PLEKHA1: variants seen among roughly 807,000 people sequenced by gnomAD.
PLEKHA1 encodes the protein pleckstrin homology domain containing A1.
Under a neutral mutation model 52.0 loss-of-function variants are expected in PLEKHA1, and 34 were observed. That is an observed-to-expected ratio of 0.65 (90% confidence interval 0.50 to 0.87). PLEKHA1 has a LOEUF of 0.87. PLEKHA1 is among the 40% of genes least tolerant of loss of function. PLEKHA1 has a pLI of 0.00. For synonymous variants in PLEKHA1, 163 were observed against 170.7 expected, an observed-to-expected ratio of 0.95 and a Z score of 0.35; for missense variants, 497 against 504.2, an observed-to-expected ratio of 0.99 and a Z score of 0.14.
At chr10:122,388,915 A>G (rs932349809) in intron 1 of PLEKHA1, among the ~76,000 whole-genome samples, 4 of 142,310 alleles carry the variant, frequency 2.8e-5, no homozygotes, top group Admixed American at 1.4e-4. Context: ...ATTTAGTCAC[A>G]TTTTCAGGCC....
chr10:122,406,815 AAT>A, intron 5 of PLEKHA1, 142 bp downstream of exon 5: 1 of 655,656 alleles, frequency 1.5e-6, no homozygotes, highest in South Asian at 1.9e-5. Flanking sequence ...TCAGAATGTG[AAT>A]ATGTTTTCTT....
chr10:122,379,007 T>C (rs1308098705), intron 1 of PLEKHA1, among the ~76,000 whole-genome samples: 1 of 152,176 alleles, frequency 6.6e-6, no homozygotes, highest in Non-Finnish European at 1.5e-5. Context: ...TATCTGGTGC[T>C]ATTAGAGTCC....
chr10:122,427,739 T>C (rs887775480), intron 11 of PLEKHA1, among the ~76,000 whole-genome samples: 4 of 150,758 alleles, frequency 2.7e-5, no homozygotes, highest in South Asian at 2.1e-4. Flanking sequence ...TGGAATACTT[T>C]GGCCACTGAT....
chr10:122,399,924 C>T (rs917254067), intron 3 of PLEKHA1, among the ~76,000 whole-genome samples: 2 of 152,160 alleles, frequency 1.3e-5, no homozygotes, highest in Non-Finnish European at 2.9e-5. Context: ...CCTCTTTACC[C>T]AGCCCCATTT....
At chr10:122,410,775 T>G (rs2097096265) in intron 5 of PLEKHA1, among the ~76,000 whole-genome samples, 1 of 152,164 alleles carries the variant, frequency 6.6e-6, no homozygotes, top group South Asian at 2.1e-4. Context: ...TTAGAATGAT[T>G]TTAAAGGTTT....
chr10:122,438,948 G>A, the PLEKHA1 span: 2 of 152,154 alleles, frequency 1.3e-5, no homozygotes, highest in Admixed American at 6.5e-5. Context: ...ATTCAAAGCC[G>A]TCCTGGGCCA....
rs200276579 is a variant in PLEKHA1, at chr10:122,424,181, T to TG, written c.682-18_682-17insG. On this transcript the variant is annotated splice_polypyrimidine_tract_variant and intron_variant, in intron 8 of 11. Transcript: ENST00000368990. ...AAACATCATGTAACTGTTTTTTTTTTTTTTTTTTTTTTGCCAGGAAAAGGA... is the reference window on the plus strand; with the variant it reads ...AAACATCATGTAACTGTTTTTTTTTTGTTTTTTTTTTTTGCCAGGAAAAGGA... 0.011 allele frequency: 16,740 copies of TG among 1,465,138 alleles called. 197 individuals carry two copies. In the East Asian group the frequency reaches 0.18, roughly 16 times the overall value. The allele number at this position is 1,465,138 out of a possible 1,614,324, so 90.8% of individuals were successfully genotyped here.
chr10:122,380,467 A>G (rs1341077506), intron 1 of PLEKHA1, among the ~76,000 whole-genome samples: 3 of 152,230 alleles, frequency 2.0e-5, no homozygotes, highest in African/African-American at 7.2e-5. Context: ...AGGATTTGCA[A>G]TTTTAGATAA....
At chr10:122,394,120 G>T (rs2096817332) in intron 2 of PLEKHA1, among the ~76,000 whole-genome samples, 1 of 131,248 alleles carries the variant, frequency 7.6e-6, no homozygotes, top group South Asian at 2.5e-4. Flanking sequence ...TATCACCCAG[G>T]CTGGAATGCA....
chr10:122,415,701 A>C (rs2097164436), intron 6 of PLEKHA1, among the ~76,000 whole-genome samples, 158 bp from the exon 7 acceptor site: 1 of 152,230 alleles, frequency 6.6e-6, no homozygotes, highest in African/African-American at 2.4e-5. Context: ...CAGTGACAGG[A>C]AAATTAAGAG....
intron 11 of PLEKHA1, among the ~76,000 whole-genome samples, chr10:122,427,605 A>G (rs1401457858): frequency 6.6e-6 from 1 of 152,190 alleles, no homozygotes; most frequent in Non-Finnish European, 1.5e-5. Flanking sequence ...GCTTCTGAAA[A>G]CTACCATAAT....
the PLEKHA1 span, chr10:122,439,237 A>G: frequency 6.6e-6 from 1 of 152,308 alleles, no homozygotes; most frequent in East Asian, 1.9e-4. Flanking sequence ...TTTGGTCAAG[A>G]TATGTTATTT....
chr10:122,419,580 T>G (rs41307060), intron 8 of PLEKHA1: 1 of 152,156 alleles, frequency 6.6e-6, no homozygotes, highest in Non-Finnish European at 1.5e-5. Flanking sequence ...TGCACTGTTC[T>G]GGGAACTGAA....
At chr10:122,376,703 A>G (rs1034120786) in intron 1 of PLEKHA1, among the ~76,000 whole-genome samples, 4 of 152,084 alleles carry the variant, frequency 2.6e-5, no homozygotes, top group African/African-American at 9.7e-5. Context: ...ATGGTGTGTA[A>G]AATTGAGTTT....
chr10:122,413,058 C>T lies in PLEKHA1; in HGVS notation c.468+13C>T. ...TACTCCCACTCAGGTAATTAAGTAA[C>T]TCTTCTATTGTGTGAGGGTCTAATT... On this transcript the variant is annotated intron_variant, in intron 6 of 11. Transcript: ENST00000368990. 1 of 1,609,112 alleles carries T rather than the reference C, an allele frequency of 6.2e-7. No individual in the cohort carries two copies. The highest frequency in any genetic ancestry group is 1.1e-5 in the South Asian group (1 of 90,406).
At chr10:122,392,686 G>A (rs560669189) in intron 1 of PLEKHA1, among the ~76,000 whole-genome samples, 2 of 152,200 alleles carry the variant, frequency 1.3e-5, no homozygotes, top group South Asian at 4.1e-4. Context: ...TATCTGCTGG[G>A]GATGATTATG....
the PLEKHA1 span, chr10:122,439,654 T>C: frequency 1.3e-5 from 2 of 152,356 alleles, no homozygotes; most frequent in Non-Finnish European, 2.9e-5. Context: ...GGCAGGAGAA[T>C]TGCTTGAACC....
intron 1 of PLEKHA1, among the ~76,000 whole-genome samples, chr10:122,388,206 T>C (rs1177395637): frequency 6.6e-6 from 1 of 152,232 alleles, no homozygotes; most frequent in Non-Finnish European, 1.5e-5. Flanking sequence ...ATCTATTCCT[T>C]GTTGCTCTGG....
At chr10:122,426,431 G>T (rs182241752) in intron 10 of PLEKHA1, among the ~76,000 whole-genome samples, 21 of 152,128 alleles carry the variant, frequency 1.4e-4, no homozygotes, top group Non-Finnish European at 2.6e-4. Flanking sequence ...CACCCCGATT[G>T]GGGCCTTATT....
Sources: gnomAD v4.1 joint callset for allele counts (sites outside exome capture counted in the v4.1 genomes callset) on GRCh38, gnomAD v4.1.1 for gene constraint, MANE v1.5 for transcripts, NCBI Gene and HGNC (gene_info 2026-07-23, HGNC 2026-07-21) for gene names.